OTOGL: variants seen among roughly 807,000 people sequenced by gnomAD.
OTOGL encodes the protein otogelin-like protein.
In OTOGL, 285 loss-of-function variants were observed where a neutral mutation model predicts 318.5. That is an observed-to-expected ratio of 0.89 (90% CI 0.81 to 0.99). The LOEUF (loss-of-function observed/expected upper bound fraction) is 0.99, where lower values mean the gene tolerates loss of function less well. OTOGL is among the 50% of genes least tolerant of loss of function. The pLI is 0.00. For synonymous variants in OTOGL, 987 were observed against 936.5 expected (o/e 1.05, Z -0.99); for missense variants, 2,899 against 2,845.6 (o/e 1.02, Z -0.43).
intron 28 of OTOGL, among the ~76,000 whole-genome samples, chr12:80,303,398 A>AC (rs1253855880): frequency 1.3e-5 from 2 of 151,790 alleles, no homozygotes; most frequent in African/African-American, 4.8e-5. Context: ...CTCATGATCC[A>AC]CCCGCCTCGG....
intron 1 of OTOGL, chr12:80,131,795 T>G (rs1304837833): frequency 6.6e-6 from 1 of 152,244 alleles, no homozygotes; most frequent in Non-Finnish European, 1.5e-5. Flanking sequence ...TTTTCTTTTC[T>G]TGCAGATATG....
At chr12:80,343,167 C>T (rs1888892962) in intron 44 of OTOGL, among the ~76,000 whole-genome samples, 1 of 152,080 alleles carries the variant, frequency 6.6e-6, no homozygotes, top group Non-Finnish European at 1.5e-5. Context: ...GCCACCGTGC[C>T]CGGCCCAGAG....
intron 26 of OTOGL, among the ~76,000 whole-genome samples, chr12:80,287,384 G>T (rs1164320675): frequency 1.3e-5 from 2 of 151,708 alleles, no homozygotes; most frequent in African/African-American, 4.9e-5. Context: ...TTGATTTGGG[G>T]TGGAGAGTTC....
chr12:80,128,667 A>G (rs10862061), intron 1 of OTOGL, among the ~76,000 whole-genome samples: 82,444 of 152,068 alleles, frequency 0.54, 22,503 homozygotes, highest in Middle Eastern at 0.58. Context: ...GCAGGCCTCC[A>G]TGAGCTGTGG....
chr12:80,265,889 G>A (rs1882919498), intron 20 of OTOGL: 1 of 152,630 alleles, frequency 6.6e-6, no homozygotes, highest in Non-Finnish European at 1.5e-5. Flanking sequence ...AAATATAAAA[G>A]TAATGTAAAT....
chr12:80,339,294 GTC>G, intron 43 of OTOGL, 30 bp downstream of exon 43: 10 of 578,530 alleles, frequency 1.7e-5, no homozygotes, highest in South Asian at 2.9e-5. Flanking sequence ...TCTTGATTTC[GTC>G]TGTTTTTTTT....
At chr12:80,227,475 T>C (rs1238098893) in intron 7 of OTOGL, among the ~76,000 whole-genome samples, 1 of 152,222 alleles carries the variant, frequency 6.6e-6, no homozygotes, top group Non-Finnish European at 1.5e-5. Flanking sequence ...TAATGATTCA[T>C]GAATATTTGT....
intron 1 of OTOGL, among the ~76,000 whole-genome samples, chr12:80,127,345 T>C (rs1251525377): frequency 2.0e-5 from 3 of 152,162 alleles, no homozygotes; most frequent in Admixed American, 6.5e-5. Context: ...CAAATTCTTT[T>C]CTTTAAGAAT....
intron 38 of OTOGL, among the ~76,000 whole-genome samples, chr12:80,333,591 T>A (rs907593216): frequency 1.3e-5 from 2 of 152,038 alleles, no homozygotes; most frequent in Non-Finnish European, 2.9e-5. Flanking sequence ...TCAGATCCTA[T>A]GGAAAAAATA....
At chr12:80,362,249 G>A (rs973296664) in intron 52 of OTOGL, among the ~76,000 whole-genome samples, 3 of 152,116 alleles carry the variant, frequency 2.0e-5, no homozygotes, top group African/African-American at 7.2e-5. Flanking sequence ...TCCTTTTCCT[G>A]TTGTTTGTTC....
intron 1 of OTOGL, among the ~76,000 whole-genome samples, chr12:80,104,072 CTGAAGATGATTAATGAAGCA>C (rs1869307739): frequency 6.6e-6 from 1 of 152,126 alleles, no homozygotes. Flanking sequence ...CTATTTTAAC[CTGAAGATGATTAATGAAGCA>C]TGAAGGTGTT....
intron 57 of OTOGL, among the ~76,000 whole-genome samples, chr12:80,372,593 CT>C (rs1288790187): frequency 6.6e-6 from 1 of 151,834 alleles, no homozygotes; most frequent in East Asian, 1.9e-4. Context: ...TATTTATATC[CT>C]TTTCATAAAA....
At chr12:80,125,800 T>C (rs1025721615) in intron 1 of OTOGL, among the ~76,000 whole-genome samples, 2 of 152,246 alleles carry the variant, frequency 1.3e-5, no homozygotes, top group Non-Finnish European at 2.9e-5. Flanking sequence ...TATCCGTTTC[T>C]TCTAGATTTT....
intron 5 of OTOGL, among the ~76,000 whole-genome samples, chr12:80,218,799 T>C (rs1015100029): frequency 5.7e-4 from 81 of 142,772 alleles, no homozygotes; most frequent in East Asian, 4.4e-3. Flanking sequence ...TTCTTTCTTT[T>C]TTTTTTTTTT....
At chr12:80,127,246 A>G (rs1473200461) in intron 1 of OTOGL, among the ~76,000 whole-genome samples, 10 of 152,148 alleles carry the variant, frequency 6.6e-5, no homozygotes, top group African/African-American at 2.2e-4. Context: ...GGTGGTGACA[A>G]AATCTCTCAA....
chr12:80,256,358 C>G lies in OTOGL; in HGVS notation c.1609C>G (p.Gln537Glu). 6.3e-7 allele frequency: 1 copy of G among 1,595,878 alleles called. No individual in the cohort carries two copies. Among genetic ancestry groups the G allele is most frequent in the East Asian group, 2.2e-5 (1 of 44,824 alleles). Residue 537 changes from glutamine to glutamate, a missense_variant, in exon 17 of 59, where the codon CAG becomes GAG. By Grantham distance (29) the Gln-to-Glu change is conservative. Coordinates refer to ENST00000547103, the MANE Select transcript of OTOGL (RefSeq NM_001378609.3). ...CEQNLGLVCL[Q>E]SITLILEDDF... ...GCAGAATCTTGGCTTGGTCTGCCTT[C>G]AGTCTATAACTCTGATTCTGGAGGA...
chr12:80,151,327 C>T (rs558112154), intron 1 of OTOGL, among the ~76,000 whole-genome samples: 1 of 152,086 alleles, frequency 6.6e-6, no homozygotes, highest in Non-Finnish European at 1.5e-5. Context: ...CATGGTTAGC[C>T]GCAGAGTCAC....
intron 16 of OTOGL, among the ~76,000 whole-genome samples, chr12:80,255,427 G>C (rs1881946245): frequency 6.6e-6 from 1 of 152,000 alleles, no homozygotes; most frequent in Non-Finnish European, 1.5e-5. Context: ...GTGAAAACAA[G>C]TATGTCTTAG....
At chr12:80,127,365 T>C (rs1870919339) in intron 1 of OTOGL, among the ~76,000 whole-genome samples, 1 of 152,224 alleles carries the variant, frequency 6.6e-6, no homozygotes, top group Admixed American at 6.5e-5. Context: ...TGTTGAATAT[T>C]GGCCCCCACT....
Sources: gnomAD v4.1 joint callset for allele counts (sites outside exome capture counted in the v4.1 genomes callset) on GRCh38, gnomAD v4.1.1 for gene constraint, MANE v1.5 for transcripts, NCBI Gene and HGNC (gene_info 2026-07-23, HGNC 2026-07-21) for gene names.